MYBL1: variants seen among roughly 807,000 people sequenced by gnomAD.
MYBL1 encodes the protein myb-related protein A.
MYBL1 carries 17 observed loss-of-function variants against 96.3 expected under a neutral mutation model. The ratio of observed to expected loss-of-function variants is 0.18; its 90% confidence interval spans 0.12 to 0.26. The LOEUF is 0.26. Among genes scored for constraint, MYBL1 ranks in the 10% least tolerant of loss-of-function variants. The pLI is 1.00. For synonymous variants in MYBL1, 282 were observed against 292.7 expected (o/e 0.96, Z 0.37); for missense variants, 701 against 882.9 (o/e 0.79, Z 2.61).
rs544381860 is a variant in MYBL1 at position 66,597,216 on chromosome 8, T to C, written c.512+114A>G. The C allele has an allele frequency of 7.9e-4, 610 of 771,928 alleles. 1 individual carries two copies. Among genetic ancestry groups the C allele is most frequent in the Admixed American group, 1.3e-3 (38 of 28,860 alleles). The allele number at this position is 771,928 out of a possible 1,614,324, so 47.8% of individuals were successfully genotyped here. On this transcript the variant is annotated intron_variant, in intron 5 of 15. Transcript: ENST00000522677. ...GGTTGCTTATGTTATATAGTCTACA[T>C]TTTAATTACAAATTTAAAAAATAAG...
chr8:66,589,553 T>C (rs575480390), intron 8 of MYBL1, among the ~76,000 whole-genome samples: 1 of 152,246 alleles, frequency 6.6e-6, no homozygotes, highest in Admixed American at 6.5e-5. Context: ...TGATAACTGC[T>C]GACTGCAGCC....
chr8:66,572,679 G>T (rs866649192), intron 11 of MYBL1, 83 bp from the exon 12 acceptor site: 6 of 607,086 alleles, frequency 9.9e-6, no homozygotes, highest in African/African-American at 7.4e-5. Flanking sequence ...TTAAGCACAC[G>T]CTAAATTTTC....
rs1808404084 is a variant in MYBL1, at chr8:66,563,878, TGTTAGCTGTAATAAC to T, written c.*804_*818del. 1 of 152,500 alleles carries T rather than the reference TGTTAGCTGTAATAAC, an allele frequency of 6.6e-6. No individual in the cohort carries two copies. Among genetic ancestry groups the T allele is most frequent in the Non-Finnish European group, 1.5e-5 (1 of 67,924 alleles). The allele number at this position is 152,500 out of a possible 1,614,324, so 9.4% of individuals were successfully genotyped here. ...TTAAAGTCAAAATTATTCTTTACTG[TGTTAGCTGTAATAAC>T]AGGAAACAACATTGGCTTCTAGGCA... On this transcript the variant is annotated 3_prime_UTR_variant, in exon 16 of 16. Coordinates refer to ENST00000522677, the MANE Select transcript of MYBL1 (RefSeq NM_001080416.4).
chr8:66,582,263 C>T (rs1809241853), intron 8 of MYBL1, among the ~76,000 whole-genome samples: 1 of 152,082 alleles, frequency 6.6e-6, no homozygotes, highest in Admixed American at 6.6e-5. Context: ...ATTAAAAACA[C>T]ATGACCCAAC....
intron 2 of MYBL1, 115 bp downstream of exon 2, chr8:66,602,303 G>T: frequency 3.8e-6 from 2 of 530,444 alleles, no homozygotes; most frequent in Non-Finnish European, 6.3e-6. Flanking sequence ...CGCCCATCTC[G>T]GCCTCCCAAA....
intron 10 of MYBL1, among the ~76,000 whole-genome samples, 200 bp downstream of exon 10, chr8:66,575,795 TATAAATAAATAA>T (rs371428727): frequency 6.6e-6 from 1 of 151,854 alleles, no homozygotes. Flanking sequence ...GTCTCCAAAA[TATAAATAAATAA>T]ATAAATAAAT....
At chr8:66,582,220 T>C (rs1473407798) in intron 8 of MYBL1, among the ~76,000 whole-genome samples, 3 of 151,940 alleles carry the variant, frequency 2.0e-5, no homozygotes, top group Non-Finnish European at 4.4e-5. Context: ...CAGATTAAGC[T>C]CTACACTTAA....
intron 1 of MYBL1, among the ~76,000 whole-genome samples, chr8:66,609,438 T>C (rs1053065302): frequency 1.3e-5 from 2 of 151,692 alleles, no homozygotes; most frequent in African/African-American, 4.8e-5. Context: ...AAAAAAAAAA[T>C]CTTTATTATA....
At chr8:66,607,921 A>G (rs962791848) in intron 1 of MYBL1, among the ~76,000 whole-genome samples, 1 of 152,154 alleles carries the variant, frequency 6.6e-6, no homozygotes, top group Non-Finnish European at 1.5e-5. Context: ...CCCTCTCTTC[A>G]GATCCTCAAA....
intron 1 of MYBL1, 44 bp downstream of exon 1, chr8:66,612,775 C>A: frequency 7.4e-7 from 1 of 1,348,534 alleles, no homozygotes; most frequent in Non-Finnish European, 9.6e-7. Flanking sequence ...AGAATCTGAG[C>A]CGAGACGGCG....
At chr8:66,578,169 G>A (rs1809044255) in intron 9 of MYBL1, among the ~76,000 whole-genome samples, 1 of 151,954 alleles carries the variant, frequency 6.6e-6, no homozygotes, top group Non-Finnish European at 1.5e-5. Context: ...CATAGGCATG[G>A]ACAAGGACTT....
At chr8:66,605,060 A>G (rs1261777742) in intron 1 of MYBL1, among the ~76,000 whole-genome samples, 1 of 152,218 alleles carries the variant, frequency 6.6e-6, no homozygotes, top group Non-Finnish European at 1.5e-5. Context: ...AAAAAGAGAA[A>G]TAAGTGAAAT....
intron 12 of MYBL1, among the ~76,000 whole-genome samples, chr8:66,572,174 G>A (rs1297061842): frequency 1.3e-5 from 2 of 151,898 alleles, no homozygotes; most frequent in African/African-American, 2.4e-5. Flanking sequence ...ACAAAAATTA[G>A]CTGGGTGTGG....
In MYBL1 at chr8:66,573,444, G is replaced by T; in HGVS notation, c.1533C>A (p.Thr511=). 1 of 1,611,874 alleles carries T rather than the reference G, an allele frequency of 6.2e-7. No homozygotes were observed. Among genetic ancestry groups the T allele is most frequent in the Non-Finnish European group, 8.5e-7 (1 of 1,178,806 alleles). ...LNIENPSFTS[T]PICGQKALIT... ...TGAGAGCTTTCTGCCCACAAATAGG[G>T]GTTGATGTAAATGAAGGATTTTCTA... The change falls in exon 11 of 16, where the codon ACC becomes ACA. Residue 511 remains threonine (T), a synonymous_variant. Coordinates refer to ENST00000522677, the MANE Select transcript of MYBL1 (RefSeq NM_001080416.4).
intron 8 of MYBL1, 68 bp downstream of exon 8, chr8:66,592,372 G>T (rs1441191864): frequency 1.3e-5 from 13 of 1,036,300 alleles, no homozygotes; most frequent in African/African-American, 4.9e-5. Context: ...ATGCTTTCTA[G>T]CTGATAAAAA....
At chr8:66,582,912 C>A (rs544204143) in intron 8 of MYBL1, among the ~76,000 whole-genome samples, 4 of 152,134 alleles carry the variant, frequency 2.6e-5, no homozygotes, top group South Asian at 4.1e-4. Flanking sequence ...GACTTCAACA[C>A]CCCATTCTCA....
At chr8:66,592,417 C>T (rs374018365) in intron 8 of MYBL1, 23 bp downstream of exon 8, 46 of 1,451,048 alleles carry the variant, frequency 3.2e-5, no homozygotes, top group Non-Finnish European at 4.3e-5. Context: ...TCTAACAATA[C>T]AAATAACAAG....
chr8:66,605,372 C>T (rs1302371393), intron 1 of MYBL1, among the ~76,000 whole-genome samples: 3 of 152,010 alleles, frequency 2.0e-5, no homozygotes, highest in African/African-American at 7.2e-5. Context: ...TTTTGGCCAG[C>T]ATACAAAGAA....
intron 7 of MYBL1, 38 bp downstream of exon 7, chr8:66,593,082 A>T: frequency 7.7e-7 from 1 of 1,300,208 alleles, no homozygotes; most frequent in South Asian, 1.3e-5. Context: ...ATGTGACTGA[A>T]CACATTTCCT....
Sources: allele counts gnomAD v4.1 joint callset (sites outside exome capture counted in the v4.1 genomes callset), GRCh38; gene constraint gnomAD v4.1.1; transcripts MANE v1.5; gene names NCBI Gene and HGNC (gene_info 2026-07-23, HGNC 2026-07-21).